The following MCM3AP variants were observed in gnomAD, a reference collection of about 807,000 sequenced individuals.
MCM3AP encodes the protein minichromosome maintenance complex component 3 associated protein.
MCM3AP carries 126 observed loss-of-function variants against 184.1 expected under a neutral mutation model. The ratio of observed to expected loss-of-function variants is 0.68; its 90% CI spans 0.59 to 0.79. The LOEUF (loss-of-function observed/expected upper bound fraction) is 0.79. Among genes scored for constraint, MCM3AP ranks in the 30% least tolerant of loss-of-function variants. The pLI, the probability that MCM3AP is intolerant of heterozygous loss-of-function variation, is 0.00. For missense variants in MCM3AP, 2,496 were observed against 2,479.2 expected (o/e 1.01, Z -0.14); for synonymous variants, 1,002 against 979.3 (o/e 1.02, Z -0.43).
intron 9 of MCM3AP, 107 bp downstream of exon 9, chr21:46,270,294 G>T: frequency 9.3e-7 from 1 of 1,072,554 alleles, no homozygotes; most frequent in Non-Finnish European, 1.4e-6. Flanking sequence ...GGGTGACACA[G>T]CATCAGCCTG....
intron 16 of MCM3AP, among the ~76,000 whole-genome samples, chr21:46,257,797 C>T (rs923434508): frequency 2.6e-5 from 4 of 151,928 alleles, no homozygotes; most frequent in African/African-American, 4.8e-5. Context: ...TGGTGGCGCA[C>T]GCCTGTAGTC....
intron 26 of MCM3AP, among the ~76,000 whole-genome samples, chr21:46,238,080 CAA>C (rs1167624441): frequency 1.3e-5 from 1 of 75,618 alleles, no homozygotes; most frequent in Non-Finnish European, 2.5e-5. Context: ...GCCAGGGCAA[CAA>C]GAGCAAAACT....
In MCM3AP at chr21:46,284,160, G is replaced by C; in HGVS notation, c.1127C>G (p.Ala376Gly). ...FVESAESDHM[A>G]IPGGNQSVLA... The stretch of plus-strand genomic sequence containing the variant: ...GACAGACTGATTCCCTCCTGGGATA[G>C]CCATGTGGTCACTTTCTGCAGACTC... The change falls in exon 1 of 28, where the codon GCT (alanine) becomes GGT (glycine). Residue 376 changes from alanine to glycine, a missense_variant. Transcript: ENST00000291688. The C allele has an allele frequency of 1.2e-6, 2 of 1,614,222 alleles. No homozygotes were observed. Among genetic ancestry groups the C allele is most frequent in the Non-Finnish European group, 1.7e-6 (2 of 1,180,040 alleles).
intron 23 of MCM3AP, 47 bp from the exon 24 acceptor site, chr21:46,243,769 G>A (rs2080717366): frequency 6.3e-7 from 1 of 1,588,330 alleles, no homozygotes; most frequent in Admixed American, 1.8e-5. Context: ...CAAAATACAG[G>A]TGAAAATGTA....
At position 46,246,875 on chromosome 21, in the gene MCM3AP, G is replaced by A. The variant is rs773925992; in HGVS notation, c.4302C>T (p.Gly1434=). The change falls in exon 21 of 28, where the codon GGC becomes GGT. Residue 1434 remains glycine (G), a synonymous_variant. Coordinates refer to ENST00000291688, the MANE Select transcript of MCM3AP (RefSeq NM_003906.5). ...SVNVCIKVAH[G]ALSDGAIDAV... Reference sequence around the variant, plus strand: ...CATCAATGGCACCATCACTGAGGGCGCCATGGGCCACCTGCAACAGCATCA... The same window carrying A: ...CATCAATGGCACCATCACTGAGGGCACCATGGGCCACCTGCAACAGCATCA... 3.3e-5 allele frequency: 53 copies of A among 1,613,458 alleles called. No homozygotes were observed. Among genetic ancestry groups the A allele is most frequent in the East Asian group, 8.9e-5 (4 of 44,882 alleles).
chr21:46,235,501 A>G, intron 27 of MCM3AP, 75 bp from the exon 28 acceptor site: 1 of 1,289,180 alleles, frequency 7.8e-7, no homozygotes, highest in Non-Finnish European at 1.1e-6. Flanking sequence ...AAGGTACTAG[A>G]TCTGGATCAT....
intron 4 of MCM3AP, among the ~76,000 whole-genome samples, chr21:46,279,285 C>CA (rs200798299): frequency 9.4e-5 from 14 of 149,426 alleles, no homozygotes; most frequent in South Asian, 2.1e-4. Flanking sequence ...GACTGTGTCT[C>CA]AAAAAAAAAA....
chr21:46,259,455 CAA>C (rs959198211), intron 15 of MCM3AP: 59 of 68,380 alleles, frequency 8.6e-4, no homozygotes, highest in South Asian at 1.8e-3. Flanking sequence ...GACTCCGTCT[CAA>C]AAAAAAAAAA....
rs1453701857 is a variant in MCM3AP at position 46,243,486 on chromosome 21, G to A, written c.5275C>T (p.Pro1759Ser). The A allele has an allele frequency of 6.2e-7, 1 of 1,611,988 alleles. No individual in the cohort carries two copies. The highest frequency in any genetic ancestry group is 1.3e-5 in the African/African-American group (1 of 75,012). The change falls in exon 24 of 28, where the codon CCC becomes TCC. Residue 1759 changes from proline (P) to serine (S), a missense_variant. By Grantham distance (74) the Pro-to-Ser change is moderately conservative (BLOSUM62 -1). This residue lies in a region of MCM3AP where 1,323 missense variants were observed against 1,273.4 expected (regional missense o/e 1.04). Coordinates refer to ENST00000291688, the MANE Select transcript of MCM3AP (RefSeq NM_003906.5). ...INHKLRDWTP[P>S]RLPVTSEALS... ...TTACCTGATGTAACAGGAAGCCGGG[G>A]GGGCGTCCAGTCTCTCAGCTTGTGG...
At chr21:46,251,810 CA>C in intron 19 of MCM3AP, 128 bp from the exon 20 acceptor site, 1 of 564,084 alleles carries the variant, frequency 1.8e-6, no homozygotes, top group Non-Finnish European at 3.1e-6. Flanking sequence ...ACAAATACCA[CA>C]TCTTACTATG....
At chr21:46,256,681 C>G in intron 17 of MCM3AP, 108 bp downstream of exon 17, 1 of 1,364,548 alleles carries the variant, frequency 7.3e-7, no homozygotes, top group Middle Eastern at 2.6e-4. Context: ...TCTTCGCCTC[C>G]AGGCTTCACC....
intron 10 of MCM3AP, 161 bp downstream of exon 10, chr21:46,266,821 G>A (rs2145681338): frequency 2.7e-6 from 2 of 731,938 alleles, no homozygotes; most frequent in Non-Finnish European, 4.4e-6. Flanking sequence ...ATGTGACCTT[G>A]GGAACACCCC....
intron 16 of MCM3AP, among the ~76,000 whole-genome samples, chr21:46,257,863 T>C (rs144658670): frequency 0.015 from 2,285 of 147,504 alleles, 28 homozygotes; most frequent in Non-Finnish European, 0.023. Flanking sequence ...AGGTGGAGGT[T>C]GCAGTGAGCT....
intron 5 of MCM3AP, among the ~76,000 whole-genome samples, 162 bp from the exon 6 acceptor site, chr21:46,275,487 G>C (rs1428133828): frequency 7.2e-5 from 11 of 152,104 alleles, no homozygotes; most frequent in African/African-American, 2.7e-4. Context: ...CAGACAAAGA[G>C]GACTTATGGT....
chr21:46,268,870 C>G (rs2081145160), intron 9 of MCM3AP, among the ~76,000 whole-genome samples: 1 of 152,088 alleles, frequency 6.6e-6, no homozygotes. Flanking sequence ...ATGGCGAAAT[C>G]CCATCTCTAC....
At position 46,284,116 on chromosome 21, in the gene MCM3AP, G is replaced by C. The variant is rs1367692064; in HGVS notation, c.1171C>G (p.Pro391Ala). The change falls in exon 1 of 28, where the codon CCA (proline) becomes GCA (alanine). Residue 391 changes from proline (P) to alanine (A), a missense_variant. Pro to Ala is a conservative substitution (Grantham distance 27). Transcript: ENST00000291688. ...GTTTCTTCCTCTTTATTCACACCTG[G>C]AATCCGGGAAGGTGCCAGGACAGAC... ...NQSVLAPSRI[P>A]GVNKEEETES... is the part of the protein sequence containing the mutation. The C allele has an allele frequency of 6.2e-7, 1 of 1,613,968 alleles. No individual in the cohort carries two copies. The highest frequency in any genetic ancestry group is 8.5e-7 in the Non-Finnish European group (1 of 1,179,972).
Position 46,235,267 on chromosome 21 carries a change from C to T in MCM3AP, c.*1G>A. 1.9e-6 allele frequency: 3 copies of T among 1,614,144 alleles called. No homozygotes were observed. Among genetic ancestry groups the T allele is most frequent in the Non-Finnish European group, 2.5e-6 (3 of 1,179,998 alleles). On this transcript the variant is annotated 3_prime_UTR_variant, in exon 28 of 28. Coordinates refer to ENST00000291688, the MANE Select transcript of MCM3AP (RefSeq NM_003906.5). ...GACCCCCTCCCCACAGGTCAGGCTGCTCAAATGTCCACCATGTCTAGCAGC... is the reference window on the plus strand; with the variant it reads ...GACCCCCTCCCCACAGGTCAGGCTGTTCAAATGTCCACCATGTCTAGCAGC...
At chr21:46,280,625 G>A (rs374786203) in intron 2 of MCM3AP, 50 bp from the exon 3 acceptor site, 144 of 1,302,444 alleles carry the variant, frequency 1.1e-4, no homozygotes, top group Non-Finnish European at 1.1e-4. Context: ...GGAAACCAAA[G>A]GAAATGGGAT....
intron 16 of MCM3AP, among the ~76,000 whole-genome samples, chr21:46,258,034 T>C (rs1218812347): frequency 2.6e-5 from 4 of 151,548 alleles, no homozygotes; most frequent in African/African-American, 9.7e-5. Flanking sequence ...CGGGGACAGC[T>C]CAGCATGCTG....
Sources: allele counts gnomAD v4.1 joint callset (sites outside exome capture counted in the v4.1 genomes callset), GRCh38; gene constraint gnomAD v4.1.1; regional missense constraint gnomAD v4.1.1; transcripts MANE v1.5; gene names NCBI Gene and HGNC (gene_info 2026-07-23, HGNC 2026-07-21).